The following ECPAS variants were observed in gnomAD, a reference collection of about 807,000 sequenced individuals.
ECPAS encodes proteasome adapter and scaffold protein ECM29.
Under a neutral mutation model 255.1 loss-of-function variants are expected in ECPAS, and 70 were observed. The observed-to-expected ratio is 0.27, with a 90% CI of 0.23 to 0.33. The LOEUF (loss-of-function observed/expected upper bound fraction) is 0.33, where lower values mean the gene tolerates loss of function less well. Ranked by LOEUF, ECPAS falls within the 10% of genes least tolerant of loss-of-function variation. The pLI is 1.00. For synonymous variants in ECPAS, 784 were observed against 775.0 expected (o/e 1.01, Z -0.19); for missense variants, 1,817 against 2,206.4 (o/e 0.82, Z 3.54).
intron 20 of ECPAS, 100 bp from the exon 21 acceptor site, chr9:111,412,248 G>A: frequency 9.9e-7 from 1 of 1,007,764 alleles, no homozygotes; most frequent in Non-Finnish European, 1.3e-6. Context: ...TCTGTTGATG[G>A]ATATTGAGAA....
At chr9:111,385,587 G>A (rs1216333458) in intron 32 of ECPAS, 145 bp from the exon 33 acceptor site, 2 of 629,560 alleles carry the variant, frequency 3.2e-6, no homozygotes, top group Non-Finnish European at 5.6e-6. Context: ...TTCTCTCCAG[G>A]TCCCTCAAAT....
intron 9 of ECPAS, among the ~76,000 whole-genome samples, chr9:111,429,351 G>C (rs1035059452): frequency 5.3e-4 from 80 of 151,848 alleles, no homozygotes; most frequent in African/African-American, 1.8e-3. Context: ...TAGGAACCTA[G>C]CAAGTACACT....
chr9:111,389,930 G>T, intron 30 of ECPAS, 54 bp downstream of exon 30: 1 of 1,298,560 alleles, frequency 7.7e-7, no homozygotes. Flanking sequence ...TGCCAATGTA[G>T]CATGTTTGGT....
intron 10 of ECPAS, 92 bp downstream of exon 10, chr9:111,427,950 C>T: frequency 9.2e-7 from 1 of 1,081,142 alleles, no homozygotes; most frequent in African/African-American, 1.6e-5. Context: ...CATCAACCTA[C>T]CCACTGAATA....
rs138159032 is a variant in ECPAS, at chr9:111,433,592, T to C, written c.709-220A>G. On this transcript the variant is annotated intron_variant, in intron 7 of 49. Transcript: ENST00000684092. ...AATAATAAATCAATCATTATACCCA[T>C]TTTTTAGCTAAAAATACCGAGGCAA... 3.3e-5 allele frequency among the ~76,000 whole-genome samples: 5 copies of C among 152,256 alleles called. No homozygotes were observed. In the East Asian group the frequency reaches 9.6e-4, roughly 29 times the overall value.
At position 111,451,574 on chromosome 9, in the gene ECPAS, AAAAG is replaced by A; in HGVS notation, c.23-23_23-20del. The A allele has an allele frequency of 6.6e-7, 1 of 1,524,038 alleles. No homozygotes were observed. Among genetic ancestry groups the A allele is most frequent in the Non-Finnish European group, 8.8e-7 (1 of 1,142,782 alleles). 94.4% of individuals were successfully genotyped at this position (1,524,038 alleles called of 1,614,324 possible). ...AGCTGATCTATAATATAAAAAGAAA[AAAAG>A]AGAGAACTTAGCAAGCCAAACACAA... On this transcript the variant is annotated intron_variant, in intron 2 of 49. Transcript: ENST00000684092.
At chr9:111,413,590 T>C (rs934562357) in intron 20 of ECPAS, among the ~76,000 whole-genome samples, 3 of 152,012 alleles carry the variant, frequency 2.0e-5, no homozygotes, top group African/African-American at 7.2e-5. Context: ...GGAGACATTT[T>C]ACATAGTTTT....
At chr9:111,483,530 G>A (rs922593097) in intron 1 of ECPAS, 5 of 978,916 alleles carry the variant, frequency 5.1e-6, no homozygotes, top group East Asian at 1.1e-4. Context: ...GGCGGAGGCG[G>A]CGGCCGCAGC....
intron 2 of ECPAS, among the ~76,000 whole-genome samples, chr9:111,455,478 T>C (rs1360404756): frequency 2.0e-5 from 3 of 152,244 alleles, no homozygotes; most frequent in Admixed American, 6.5e-5. Context: ...AGCGAGACTC[T>C]GTCTCAGAAA....
intron 24 of ECPAS, among the ~76,000 whole-genome samples, chr9:111,405,380 G>T (rs1174191067): frequency 6.7e-6 from 1 of 149,522 alleles, no homozygotes; most frequent in East Asian, 2.0e-4. Context: ...AATGAAACTG[G>T]GCCCCTTTGT....
rs147952216 is a variant in ECPAS, at chr9:111,386,723, C to G, written c.3448-267G>C. Among the ~76,000 whole-genome samples the G allele has an allele frequency of 4.7e-4, 72 of 152,308 alleles. 2 individuals are homozygous for G. The South Asian group carries it at 0.012, about 25-fold the overall frequency. The stretch of plus-strand genomic sequence containing the variant: ...AATGAAGTCCATTCACCCAGGCATG[C>G]ACACAAAGCCTTCCATGACTCATCC... On this transcript the variant is annotated intron_variant, in intron 31 of 49. Coordinates refer to ENST00000684092, the MANE Select transcript of ECPAS (RefSeq NM_001364929.1).
At chr9:111,443,917 TA>T (rs1401937243) in intron 4 of ECPAS, among the ~76,000 whole-genome samples, 2 of 152,240 alleles carry the variant, frequency 1.3e-5, no homozygotes, top group Non-Finnish European at 2.9e-5. Context: ...CTCCACTTTA[TA>T]AAAAAGATCT....
At chr9:111,444,950 T>A (rs2098250844) in intron 3 of ECPAS, among the ~76,000 whole-genome samples, 1 of 148,998 alleles carries the variant, frequency 6.7e-6, no homozygotes, top group Non-Finnish European at 1.5e-5. Context: ...CACCTCTGCC[T>A]CCCAAAGTGC....
intron 24 of ECPAS, among the ~76,000 whole-genome samples, 158 bp from the exon 25 acceptor site, chr9:111,397,311 G>A (rs891459211): frequency 1.3e-5 from 2 of 152,220 alleles, no homozygotes; most frequent in Non-Finnish European, 2.9e-5. Flanking sequence ...CAAAGGCCAG[G>A]GATGGTGAGG....
chr9:111,378,530 A>T, intron 36 of ECPAS, 50 bp downstream of exon 36: 1 of 1,556,846 alleles, frequency 6.4e-7, no homozygotes, highest in Non-Finnish European at 8.7e-7. Context: ...GTATCTTAAC[A>T]GGGCTCTTCC....
intron 1 of ECPAS, among the ~76,000 whole-genome samples, chr9:111,473,523 C>T (rs968613444): frequency 6.6e-6 from 1 of 152,154 alleles, no homozygotes; most frequent in African/African-American, 2.4e-5. Context: ...TACGTATACA[C>T]GTGGCTCCCA....
chr9:111,482,298 AG>A (rs2132145039), intron 1 of ECPAS, among the ~76,000 whole-genome samples: 1 of 152,336 alleles, frequency 6.6e-6, no homozygotes, highest in South Asian at 2.1e-4. Context: ...CTTCAAAAAA[AG>A]CAAACAGTAC....
In ECPAS at chr9:111,410,181, C is replaced by G; in HGVS notation, c.2410G>C (p.Ala804Pro). ...CCCAGGGCTGTGCAGGCAGCAATTG[C>G]CAGGAGGGGTGATGTACTGTCCAAA... ...SFLDSTSPLL[A>P]IAACTALGEI... The change falls in exon 23 of 50, where the codon GCA (alanine) becomes CCA (proline). Residue 804 changes from alanine (A) to proline (P), a missense_variant. Physicochemically the swap from Ala to Pro is conservative, Grantham distance 27. Around this residue, in one of 4 missense-constraint regions of ECPAS, gnomAD observed 194 missense variants for 152.8 expected, o/e 1.27. Coordinates refer to ENST00000684092, the MANE Select transcript of ECPAS (RefSeq NM_001364929.1). 1 of 1,613,038 alleles carries G rather than the reference C, an allele frequency of 6.2e-7. No homozygotes were observed. Among genetic ancestry groups the G allele is most frequent in the Non-Finnish European group, 8.5e-7 (1 of 1,179,544 alleles).
At chr9:111,409,018 G>A (rs72609707) in intron 23 of ECPAS, among the ~76,000 whole-genome samples, 13 of 152,110 alleles carry the variant, frequency 8.5e-5, no homozygotes, top group Admixed American at 7.9e-4. Context: ...ACTGGTGTGC[G>A]ACCTTAAGCA....
Sources: gnomAD v4.1 joint callset for allele counts (sites outside exome capture counted in the v4.1 genomes callset) on GRCh38, gnomAD v4.1.1 for gene constraint, gnomAD v4.1.1 regional missense constraint, MANE v1.5 for transcripts, NCBI Gene and HGNC (gene_info 2026-07-23, HGNC 2026-07-21) for gene names.